SGSM1: variants seen among roughly 807,000 people sequenced by gnomAD.
The protein encoded by SGSM1 is small G protein signaling modulator 1.
In SGSM1, 73 loss-of-function variants were observed where a neutral mutation model predicts 133.8. The ratio of observed to expected loss-of-function variants is 0.55; its 90% CI spans 0.45 to 0.66. SGSM1 has a LOEUF of 0.66. Among genes scored for constraint, SGSM1 ranks in the 30% least tolerant of loss-of-function variants. SGSM1 has a pLI of 0.00. For synonymous variants in SGSM1, 563 were observed against 573.0 expected, an observed-to-expected ratio of 0.98 and a Z score of 0.25; for missense variants, 1,213 against 1,448.1, an observed-to-expected ratio of 0.84 and a Z score of 2.64.
chr22:24,847,406 G>A (rs1020396334), intron 3 of SGSM1, among the ~76,000 whole-genome samples: 1 of 152,176 alleles, frequency 6.6e-6, no homozygotes, highest in African/African-American at 2.4e-5. Flanking sequence ...ACAATTATCC[G>A]ACACCCAGCA....
At chr22:24,873,748 G>A (rs1403349214) in intron 12 of SGSM1, among the ~76,000 whole-genome samples, 1 of 152,126 alleles carries the variant, frequency 6.6e-6, no homozygotes, top group South Asian at 2.1e-4. Flanking sequence ...AGCTACTCAG[G>A]AGACTGAGGA....
At position 24,924,178 on chromosome 22, in the gene SGSM1, T is replaced by C. The variant is rs567770661; in HGVS notation, c.3194-8T>C. 1 of 1,613,758 alleles carries C rather than the reference T, an allele frequency of 6.2e-7. No homozygotes were observed. The highest frequency in any genetic ancestry group is 8.5e-7 in the Non-Finnish European group (1 of 1,179,786). On this transcript the variant is annotated splice_region_variant and splice_polypyrimidine_tract_variant and intron_variant, in intron 24 of 24. Coordinates refer to ENST00000400358, the MANE Select transcript of SGSM1 (RefSeq NM_001098497.3). ...AGGCTCATGAGATTTTTCTTTCTGC[T>C]CTTTCAGAAATGGCTGAGCGACACA...
At chr22:24,873,987 T>A (rs1476694020) in intron 12 of SGSM1, among the ~76,000 whole-genome samples, 1 of 152,194 alleles carries the variant, frequency 6.6e-6, no homozygotes, top group Non-Finnish European at 1.5e-5. Flanking sequence ...ATGATAGTAC[T>A]GTACTCAGTA....
At chr22:24,866,430 G>A (rs989160571) in intron 9 of SGSM1, among the ~76,000 whole-genome samples, 6 of 152,186 alleles carry the variant, frequency 3.9e-5, no homozygotes, top group African/African-American at 7.2e-5. Flanking sequence ...CCTGGAGTTA[G>A]GATGTGAGTT....
chr22:24,845,277 C>T (rs1316850762), intron 3 of SGSM1, among the ~76,000 whole-genome samples: 6 of 152,170 alleles, frequency 3.9e-5, no homozygotes, highest in Non-Finnish European at 8.8e-5. Flanking sequence ...CTGTCCCTCA[C>T]TCTGCCTGTG....
chr22:24,841,032 A>T (rs551476210), intron 2 of SGSM1, among the ~76,000 whole-genome samples: 1 of 151,898 alleles, frequency 6.6e-6, no homozygotes, highest in Non-Finnish European at 1.5e-5. Flanking sequence ...TTGTATTTTT[A>T]GTAGAGACGG....
rs181787095 is a variant in SGSM1 at position 24,825,397 on chromosome 22, C to T, written c.63+18913C>T. Among the ~76,000 whole-genome samples, 510 of 152,214 alleles carry T rather than the reference C, an allele frequency of 3.4e-3. 3 individuals carry two copies. The highest frequency in any genetic ancestry group is 0.01 in the African/African-American group (422 of 41,526). ...CCCTTGAGTCACCCCCTCTTCTCCCCGCTGTGCTCACTTACTAAGTTATTT... is the reference window on the plus strand; with the variant it reads ...CCCTTGAGTCACCCCCTCTTCTCCCTGCTGTGCTCACTTACTAAGTTATTT... On this transcript the variant is annotated intron_variant, in intron 2 of 24. Coordinates refer to ENST00000400358, the MANE Select transcript of SGSM1 (RefSeq NM_001098497.3).
chr22:24,913,397 T>C (rs1484998952), intron 22 of SGSM1, among the ~76,000 whole-genome samples: 1 of 152,130 alleles, frequency 6.6e-6, no homozygotes, highest in East Asian at 1.9e-4. Flanking sequence ...CTGTGCCATA[T>C]GAAGCTCTCC....
At chr22:24,810,052 C>A (rs562681227) in intron 2 of SGSM1, among the ~76,000 whole-genome samples, 2 of 152,022 alleles carry the variant, frequency 1.3e-5, no homozygotes, top group Non-Finnish European at 2.9e-5. Flanking sequence ...CCGAAGTGAC[C>A]GGAGCAGAGA....
At chr22:24,882,270 A>G (rs1462083562) in intron 14 of SGSM1, among the ~76,000 whole-genome samples, 1 of 151,932 alleles carries the variant, frequency 6.6e-6, no homozygotes, top group Non-Finnish European at 1.5e-5. Context: ...TGGTCTCACT[A>G]TGTTGCCTAG....
intron 9 of SGSM1, among the ~76,000 whole-genome samples, chr22:24,861,205 TA>T (rs1398491874): frequency 6.6e-6 from 1 of 150,634 alleles, no homozygotes; most frequent in African/African-American, 2.4e-5. Context: ...ATACAAAACT[TA>T]GCTGGGCATG....
chr22:24,856,362 G>T (rs1411725307), intron 8 of SGSM1, among the ~76,000 whole-genome samples: 1 of 148,872 alleles, frequency 6.7e-6, no homozygotes, highest in Non-Finnish European at 1.5e-5. Context: ...AATACTGAGG[G>T]CTGTACAGGT....
intron 21 of SGSM1, among the ~76,000 whole-genome samples, chr22:24,907,565 T>C (rs1933438298): frequency 1.3e-5 from 2 of 151,772 alleles, no homozygotes; most frequent in Non-Finnish European, 2.9e-5. Flanking sequence ...TTTGCAAAAA[T>C]TAACAAGCTG....
At chr22:24,899,800 C>T (rs928544680) in intron 19 of SGSM1, among the ~76,000 whole-genome samples, 1 of 152,048 alleles carries the variant, frequency 6.6e-6, no homozygotes, top group Admixed American at 6.6e-5. Context: ...GGATTACAGG[C>T]GTGAGCCTCC....
chr22:24,915,000 G>T (rs565832778), intron 22 of SGSM1, among the ~76,000 whole-genome samples: 1 of 152,114 alleles, frequency 6.6e-6, no homozygotes, highest in African/African-American at 2.4e-5. Context: ...AGGCTGAGGC[G>T]GGCGGATCAC....
At chr22:24,810,795 A>G (rs1455353402) in intron 2 of SGSM1, among the ~76,000 whole-genome samples, 1 of 152,076 alleles carries the variant, frequency 6.6e-6, no homozygotes, top group Non-Finnish European at 1.5e-5. Flanking sequence ...ATAGCTGCTG[A>G]ACAGAGCCTG....
intron 2 of SGSM1, among the ~76,000 whole-genome samples, chr22:24,810,346 T>A (rs1377435674): frequency 3.3e-5 from 5 of 152,022 alleles, no homozygotes; most frequent in Non-Finnish European, 7.4e-5. Flanking sequence ...GCATCCTTTT[T>A]TTTTTTCCCT....
At chr22:24,857,705 G>A (rs1216755064) in intron 8 of SGSM1, among the ~76,000 whole-genome samples, 2 of 152,036 alleles carry the variant, frequency 1.3e-5, no homozygotes, top group African/African-American at 2.4e-5. Context: ...TCCACACATT[G>A]TTTTCTGTTC....
At position 24,847,822 on chromosome 22, in the gene SGSM1, T is replaced by TG. The variant is rs1224235404; in HGVS notation, c.302+29dup. The TG allele has an allele frequency of 4.4e-5, 71 of 1,608,558 alleles. No homozygotes were observed. The Admixed American group carries it at 1.2e-3, about 27-fold the overall frequency. On this transcript the variant is annotated intron_variant, in intron 4 of 24. Coordinates refer to ENST00000400358, the MANE Select transcript of SGSM1 (RefSeq NM_001098497.3). ...GTGAGTGCAAAGCATGGGGCACAGG[T>TG]GGGAGCAGCTCCCCCAATAGTCCAC...
Sources: gnomAD v4.1 joint callset for allele counts (sites outside exome capture counted in the v4.1 genomes callset) on GRCh38, gnomAD v4.1.1 for gene constraint, MANE v1.5 for transcripts, NCBI Gene and HGNC (gene_info 2026-07-23, HGNC 2026-07-21) for gene names.